FBN2: variants seen among roughly 807,000 people sequenced by gnomAD.
FBN2 encodes fibrillin 2, also known as fibrillin-2.
A neutral mutation model predicts 355.6 loss-of-function variants in FBN2; 105 were observed. The ratio of observed to expected loss-of-function variants is 0.30; its 90% CI spans 0.25 to 0.35. FBN2 has a LOEUF of 0.35. FBN2 is among the 10% of genes least tolerant of loss of function. The pLI is 1.00. For missense variants in FBN2, 3,280 were observed against 3,758.7 expected (o/e 0.87, Z 3.33); for synonymous variants, 1,350 against 1,301.2 (o/e 1.04, Z -0.81).
At chr5:128,368,435 C>T (rs331100) in intron 16 of FBN2, among the ~76,000 whole-genome samples, 87,038 of 136,608 alleles carry the variant, frequency 0.64, 28,207 homozygotes, top group East Asian at 0.89. Context: ...TATATATATA[C>T]ACATATATAC....
chr5:128,423,113 C>A (rs77998855), intron 7 of FBN2, among the ~76,000 whole-genome samples: 1,810 of 150,596 alleles, frequency 0.012, 16 homozygotes, highest in Middle Eastern at 0.024. Context: ...TGAGAGAATG[C>A]AGAAGAGAAA....
chr5:128,527,878 C>T lies in FBN2; in HGVS notation c.526G>A (p.Gly176Arg), dbSNP rs1561499547. ...CQKGYIGTYC[G>R]QPVCENGCQN... ...ATAAATCAATGTCCCTTACGTTGTC[C>T]ACAATAAGTTCCAATATATCCTTTC... Residue 176 changes from glycine (G) to arginine (R), a missense_variant, in exon 4 of 65, where the codon GGA (glycine) becomes AGA (arginine). Gly to Arg is a moderately radical substitution (Grantham distance 125). Coordinates refer to ENST00000262464, the MANE Select transcript of FBN2 (RefSeq NM_001999.4). The T allele has an allele frequency of 6.2e-7, 1 of 1,601,886 alleles. No homozygotes were observed.
At chr5:128,272,997 C>A (rs1765304196) in intron 61 of FBN2, among the ~76,000 whole-genome samples, 1 of 152,010 alleles carries the variant, frequency 6.6e-6, no homozygotes, top group Non-Finnish European at 1.5e-5. Context: ...GCCCCACAAG[C>A]CTTACAGAGA....
At chr5:128,455,411 AGAATT>A (rs903950678) in intron 6 of FBN2, among the ~76,000 whole-genome samples, 6 of 152,198 alleles carry the variant, frequency 3.9e-5, no homozygotes, top group Admixed American at 2.6e-4. Context: ...AAAGCCATCA[AGAATT>A]GATATGACTG....
At chr5:128,396,284 T>C (rs963287627) in intron 8 of FBN2, among the ~76,000 whole-genome samples, 2 of 152,174 alleles carry the variant, frequency 1.3e-5, no homozygotes, top group Non-Finnish European at 2.9e-5. Flanking sequence ...CATGTTATAT[T>C]TGGAATGTTG....
At chr5:128,310,475 T>C (rs1750025402) in intron 39 of FBN2, among the ~76,000 whole-genome samples, 2 of 150,164 alleles carry the variant, frequency 1.3e-5, no homozygotes, top group South Asian at 4.2e-4. Context: ...TTTTGTCCTA[T>C]GTCACTTAGG....
At position 128,277,912 on chromosome 5, in the gene FBN2, T is replaced by C; in HGVS notation, c.7439A>G (p.Tyr2480Cys). 1 of 1,614,158 alleles carries C rather than the reference T, an allele frequency of 6.2e-7. No homozygotes were observed. The highest frequency in any genetic ancestry group is 8.5e-7 in the Non-Finnish European group (1 of 1,179,998). The change falls in exon 58 of 65, where the codon TAC (tyrosine) becomes TGC (cysteine). Residue 2480 changes from tyrosine to cysteine, a missense_variant. Coordinates refer to ENST00000262464, the MANE Select transcript of FBN2 (RefSeq NM_001999.4). ...AGAGGTTCCACTGATGTCTGTGGTG[T>C]AGCCAACCTTGCAGAAGCATCGGAA... is the stretch of plus-strand genomic sequence containing the variant. ...GSFRCFCKVG[Y>C]TTDISGTSCI...
At chr5:128,404,257 T>C (rs1247495921) in intron 8 of FBN2, among the ~76,000 whole-genome samples, 1 of 152,250 alleles carries the variant, frequency 6.6e-6, no homozygotes, top group Admixed American at 6.5e-5. Flanking sequence ...GATTAATTTT[T>C]TCTCATGTAT....
In FBN2 at chr5:128,434,394, G is replaced by GTATATATATATATATATATATA. The variant is rs6149234; in HGVS notation, c.952+12065_952+12086dup. 4.6e-3 allele frequency among the ~76,000 whole-genome samples: 420 copies of GTATATATATATATATATATATA among 91,538 alleles called. 16 individuals carry two copies. The highest frequency in any genetic ancestry group is 6.1e-3 in the African/African-American group (101 of 16,548). The allele number at this position is 91,538 out of a possible 152,430, so 60.1% of individuals were successfully genotyped here. ...CAATGCCTGGCAGTGAATAAAGTGTGTATATATATATATATATATATATAT... is the reference window on the plus strand; with the variant it reads ...CAATGCCTGGCAGTGAATAAAGTGTGTATATATATATATATATATATATATATATATATATATATATATATAT... On this transcript the variant is annotated intron_variant, in intron 7 of 64. Coordinates refer to ENST00000262464, the MANE Select transcript of FBN2 (RefSeq NM_001999.4).
chr5:128,389,893 G>T (rs1752465878), intron 11 of FBN2, among the ~76,000 whole-genome samples: 1 of 152,068 alleles, frequency 6.6e-6, no homozygotes, highest in South Asian at 2.1e-4. Flanking sequence ...CATTCTTAAT[G>T]CCTTCCTTCT....
intron 11 of FBN2, among the ~76,000 whole-genome samples, chr5:128,385,127 A>T (rs750298844): frequency 6.6e-6 from 1 of 152,070 alleles, no homozygotes; most frequent in Non-Finnish European, 1.5e-5. Context: ...TGCATGTCAC[A>T]GGGGTTTGTT....
chr5:128,462,458 G>C (rs1335500993), intron 6 of FBN2, among the ~76,000 whole-genome samples: 2 of 152,154 alleles, frequency 1.3e-5, no homozygotes, highest in Non-Finnish European at 2.9e-5. Flanking sequence ...ACTATGCCAT[G>C]ATTTTGAAAT....
At chr5:128,469,105 GAA>G (rs1754787988) in intron 5 of FBN2, among the ~76,000 whole-genome samples, 1 of 152,170 alleles carries the variant, frequency 6.6e-6, no homozygotes, top group African/African-American at 2.4e-5. Flanking sequence ...AAGTGAATAA[GAA>G]AGAGAGGAGG....
intron 48 of FBN2, 75 bp from the exon 49 acceptor site, chr5:128,291,729 C>G: frequency 1.5e-6 from 2 of 1,301,472 alleles, no homozygotes; most frequent in Non-Finnish European, 2.2e-6. Context: ...TCACTGTCCA[C>G]TAGCCAGCTG....
At position 128,287,330 on chromosome 5, in the gene FBN2, C is replaced by G. The variant is rs757407460; in HGVS notation, c.6858G>C (p.Arg2286Ser). The G allele has an allele frequency of 1.2e-6, 2 of 1,613,954 alleles. No individual in the cohort carries two copies. Among genetic ancestry groups the G allele is most frequent in the South Asian group, 1.1e-5 (1 of 91,080 alleles). Residue 2286 changes from arginine to serine, a missense_variant, in exon 54 of 65, where the codon AGG (arginine) becomes AGC (serine). Coordinates refer to ENST00000262464, the MANE Select transcript of FBN2 (RefSeq NM_001999.4). Reference protein sequence around the residue: ...ECTCPIGYALREDQKMCKDLD... With the variant: ...ECTCPIGYALSEDQKMCKDLD... The stretch of plus-strand genomic sequence containing the variant: ...TACCTTTGCACATCTTTTGATCTTC[C>G]CTGAGGGCATAGCCAATCGGGCACG...
intron 55 of FBN2, among the ~76,000 whole-genome samples, chr5:128,282,697 T>C (rs922619822): frequency 1.2e-4 from 18 of 152,220 alleles, no homozygotes; most frequent in Non-Finnish European, 2.9e-5. Context: ...GGGTGTATCT[T>C]GGAGTGATGT....
At chr5:128,458,567 G>A (rs1256986265) in intron 6 of FBN2, among the ~76,000 whole-genome samples, 4 of 151,734 alleles carry the variant, frequency 2.6e-5, no homozygotes, top group African/African-American at 9.7e-5. Context: ...ACACTCCTCA[G>A]CAAATGCAAA....
intron 8 of FBN2, among the ~76,000 whole-genome samples, chr5:128,395,931 G>T (rs1353998602): frequency 3.3e-5 from 5 of 152,182 alleles, no homozygotes; most frequent in Non-Finnish European, 7.3e-5. Context: ...TTCCTGGATG[G>T]TTACAATGAG....
chr5:128,286,012 A>G (rs576561954), intron 55 of FBN2, among the ~76,000 whole-genome samples: 2 of 152,326 alleles, frequency 1.3e-5, no homozygotes, highest in African/African-American at 4.8e-5. Flanking sequence ...CCTTTCTTCC[A>G]TACATGGTTA....
Sources: allele counts gnomAD v4.1 joint callset (sites outside exome capture counted in the v4.1 genomes callset), GRCh38; gene constraint gnomAD v4.1.1; transcripts MANE v1.5; gene names NCBI Gene and HGNC (gene_info 2026-07-23, HGNC 2026-07-21).